Variants in TUB observed in about 807,000 individuals in gnomAD.
The protein encoded by TUB is tubby protein homolog.
In TUB, 33 loss-of-function variants were observed where a neutral mutation model predicts 59.7. The observed-to-expected ratio is 0.55, with a 90% CI of 0.42 to 0.74. The LOEUF is 0.74. TUB is among the 30% of genes least tolerant of loss of function. The probability of loss-of-function intolerance (pLI) is 0.00; values close to 1 mark genes in which losing one functional copy is unlikely to be tolerated. For missense variants in TUB, 659 were observed against 672.0 expected (o/e 0.98, Z 0.21); for synonymous variants, 293 against 256.4 (o/e 1.14, Z -1.36).
chr11:8,057,125 T>G (rs57550540), intron 2 of TUB, among the ~76,000 whole-genome samples: 1,558 of 152,154 alleles, frequency 0.01, 22 homozygotes, highest in African/African-American at 0.032. Context: ...ATGGCAGTAA[T>G]GGAGGGTCCC....
rs1324173858 is a variant in TUB at position 8,096,679 on chromosome 11, G to GC, written c.566-3dup. Reference sequence around the variant, plus strand: ...TTCATCCCTTCTTCTTCTCTCCTTGGCCCAGGCATCTCCAGCAGCATGAGC... The same window carrying GC: ...TTCATCCCTTCTTCTTCTCTCCTTGGCCCCAGGCATCTCCAGCAGCATGAGC... On this transcript the variant is annotated splice_polypyrimidine_tract_variant and splice_region_variant and intron_variant, in intron 5 of 11. Transcript: ENST00000299506. 5.1e-6 allele frequency: 8 copies of GC among 1,578,134 alleles called. No homozygotes were observed. The highest frequency in any genetic ancestry group is 6.1e-6 in the Non-Finnish European group (7 of 1,147,420).
intron 2 of TUB, among the ~76,000 whole-genome samples, chr11:8,054,713 G>A (rs562210703): frequency 3.3e-5 from 5 of 152,204 alleles, no homozygotes; most frequent in Non-Finnish European, 7.3e-5. Flanking sequence ...TGCAGCCATG[G>A]AGATTTCCAC....
upstream of TUB, among the ~76,000 whole-genome samples, chr11:8,038,360 C>A (rs536866317): frequency 9.2e-5 from 14 of 152,252 alleles, no homozygotes; most frequent in Admixed American, 5.9e-4. Context: ...AGGCTGAGGA[C>A]ACAGACAAGC....
rs554302699 is a variant in TUB at position 8,072,780 on chromosome 11, G to C, written c.204-16830G>C. Among the ~76,000 whole-genome samples, 5 of 152,320 alleles carry C rather than the reference G, an allele frequency of 3.3e-5. No individual in the cohort carries two copies. The South Asian group carries it at 1.0e-3, about 32-fold the overall frequency. On this transcript the variant is annotated intron_variant, in intron 2 of 12. Transcript: ENST00000305253. ...CACCCAGTGAGTTAGCAGCAGAGAG[G>C]ATAAGAATTCAGCTCCCCTCAGTCT...
intron 2 of TUB, among the ~76,000 whole-genome samples, chr11:8,069,733 G>GA (rs1405624221): frequency 6.6e-6 from 1 of 151,980 alleles, no homozygotes; most frequent in Non-Finnish European, 1.5e-5. Context: ...TCTATACCTG[G>GA]GTTATCTAGA....
chr11:8,055,392 C>T (rs1943004422), intron 2 of TUB, among the ~76,000 whole-genome samples: 1 of 152,216 alleles, frequency 6.6e-6, no homozygotes, highest in South Asian at 2.1e-4. Flanking sequence ...CTTCCCTGTG[C>T]CCATCAGGAC....
At chr11:8,033,386 C>A (rs11041717) in intron 1 of TUB, among the ~76,000 whole-genome samples, 26,583 of 152,182 alleles carry the variant, frequency 0.17, 2,531 homozygotes, top group Non-Finnish European at 0.19. Context: ...TTTGAGCACT[C>A]CGGGAGTTTC....
intron 2 of TUB, chr11:8,067,962 T>G (rs1943278079): frequency 6.6e-6 from 1 of 152,348 alleles, no homozygotes; most frequent in Non-Finnish European, 1.5e-5. Context: ...GAGGAGCCAC[T>G]GTCCAGACCC....
chr11:8,103,538 G>A lies in TUB; in HGVS notation c.*1919G>A, dbSNP rs1944395139. 1 of 152,608 alleles carries A rather than the reference G, an allele frequency of 6.6e-6. No homozygotes were observed. Among genetic ancestry groups the A allele is most frequent in the South Asian group, 2.1e-4 (1 of 4,822 alleles). 9.5% of individuals were successfully genotyped at this position (152,608 alleles called of 1,614,324 possible). ...CTTAAAGCAAGGCATACCTGTCCTA[G>A]CAGGATCTGCCCACACCTCGGCCGT... On this transcript the variant is annotated 3_prime_UTR_variant, in exon 12 of 12. Coordinates refer to ENST00000299506, the MANE Select transcript of TUB (RefSeq NM_177972.3).
chr11:8,063,602 C>T (rs993059174), intron 2 of TUB, among the ~76,000 whole-genome samples: 2 of 152,192 alleles, frequency 1.3e-5, no homozygotes, highest in Non-Finnish European at 2.9e-5. Context: ...AGTCAATCCC[C>T]AAGTGCTGAA....
intron 2 of TUB, among the ~76,000 whole-genome samples, chr11:8,071,940 T>A (rs1408811678): frequency 6.6e-6 from 1 of 152,202 alleles, no homozygotes; most frequent in East Asian, 1.9e-4. Flanking sequence ...CCACCTGGCA[T>A]GAGATGCCCA....
chr11:8,024,771 G>T (rs1203179085), intron 1 of TUB, among the ~76,000 whole-genome samples: 1 of 152,208 alleles, frequency 6.6e-6, no homozygotes, highest in Non-Finnish European at 1.5e-5. Context: ...TCCAGGAGGG[G>T]TGAATTGATT....
intron 9 of TUB, among the ~76,000 whole-genome samples, chr11:8,099,495 C>G (rs1395738073): frequency 1.3e-5 from 2 of 152,302 alleles, no homozygotes; most frequent in South Asian, 2.1e-4. Flanking sequence ...GTGGTGCCAC[C>G]TGCTGACCAG....
Position 8,090,121 on chromosome 11 carries a change from T to C in TUB, c.143T>C (p.Val48Ala), listed in dbSNP as rs778184534. Residue 48 changes from valine to alanine, a missense_variant, in exon 3 of 12, where the codon GTG becomes GCG. This residue lies in a region of TUB where 321 missense variants were observed against 304.3 expected (regional missense o/e 1.05). Coordinates refer to ENST00000299506, the MANE Select transcript of TUB (RefSeq NM_177972.3). ...AAGAAGCGCCAGGAGCCCCTGATGG[T>C]GCAGGCCAATGCAGATGGGCGGCCC... The part of the protein sequence containing the change: ...QKKKRQEPLM[V>A]QANADGRPRS... 1 of 1,613,360 alleles carries C rather than the reference T, an allele frequency of 6.2e-7. No individual in the cohort carries two copies. The highest frequency in any genetic ancestry group is 8.5e-7 in the Non-Finnish European group (1 of 1,179,756).
At position 8,104,200 on chromosome 11, in the gene TUB, T is replaced by C. The variant is rs987201218; in HGVS notation, c.*2581T>C. On this transcript the variant is annotated 3_prime_UTR_variant, in exon 12 of 12. Transcript: ENST00000299506. Reference sequence around the variant, plus strand: ...TCATACCCTCTACCTGGATGGATGGTCTTTGGGCAGGGAATTAATGACAGA... The same window carrying C: ...TCATACCCTCTACCTGGATGGATGGCCTTTGGGCAGGGAATTAATGACAGA... 6.6e-6 allele frequency: 1 copy of C among 152,228 alleles called. No individual in the cohort carries two copies. The highest frequency in any genetic ancestry group is 2.4e-5 in the African/African-American group (1 of 41,448). 9.4% of individuals were successfully genotyped at this position (152,228 alleles called of 1,614,324 possible).
upstream of TUB, chr11:8,076,344 G>A (rs1943447661): frequency 6.6e-6 from 1 of 152,188 alleles, no homozygotes; most frequent in African/African-American, 2.4e-5. Flanking sequence ...TGAGGTGAAG[G>A]TGATAGCACC....
intron 2 of TUB, among the ~76,000 whole-genome samples, chr11:8,072,084 A>G (rs1397843634): frequency 6.6e-6 from 1 of 152,220 alleles, no homozygotes; most frequent in Admixed American, 6.5e-5. Flanking sequence ...AGCTCAGCAG[A>G]CACAGAGACA....
At chr11:8,077,311 G>A (rs1943466088), upstream of TUB, 1 of 152,124 alleles carries the variant, frequency 6.6e-6, no homozygotes, top group Non-Finnish European at 1.5e-5. Context: ...AATTGCAAAC[G>A]CCCTAGCTTG....
intron 2 of TUB, among the ~76,000 whole-genome samples, chr11:8,063,576 C>T (rs538096002): frequency 4.6e-5 from 7 of 152,192 alleles, no homozygotes; most frequent in South Asian, 2.1e-4. Flanking sequence ...AGTGTTCACT[C>T]GACCCAGTTT....
Sources: allele counts gnomAD v4.1 joint callset (sites outside exome capture counted in the v4.1 genomes callset), GRCh38; gene constraint gnomAD v4.1.1; regional missense constraint gnomAD v4.1.1; transcripts MANE v1.5; gene names NCBI Gene and HGNC (gene_info 2026-07-23, HGNC 2026-07-21).